Variants in TANGO2 observed in about 807,000 individuals in gnomAD.
TANGO2 encodes transport and golgi organization 2 homolog, also known as transport and Golgi organization protein 2 homolog.
A neutral mutation model predicts 39.1 loss-of-function variants in TANGO2; 26 were observed. That is an observed-to-expected ratio of 0.67 (90% confidence interval 0.49 to 0.92). The LOEUF is 0.92. TANGO2 is among the 40% of genes least tolerant of loss of function. The probability of loss-of-function intolerance (pLI) is 0.00; values close to 1 mark genes in which losing one functional copy is unlikely to be tolerated. For synonymous variants in TANGO2, 131 were observed against 144.5 expected (o/e 0.91, Z 0.67); for missense variants, 326 against 360.1 (o/e 0.91, Z 0.77).
intron 1 of TANGO2, among the ~76,000 whole-genome samples, chr22:20,030,820 G>A (rs916487288): frequency 7.2e-5 from 11 of 152,200 alleles, no homozygotes; most frequent in African/African-American, 2.7e-4. Context: ...CAGTCATTAA[G>A]ACTTCCTGAG....
chr22:20,037,209 G>T (rs112810943), intron 2 of TANGO2: 2 of 1,198,964 alleles, frequency 1.7e-6, no homozygotes, highest in South Asian at 3.2e-5. Context: ...GCTTGGGCTG[G>T]CGGGTCACAG....
chr22:20,052,689 G>A lies in TANGO2; in HGVS notation c.265+105G>A. 4 of 1,411,514 alleles carry A rather than the reference G, an allele frequency of 2.8e-6. No homozygotes were observed. The Admixed American group carries it at 6.2e-5, about 22-fold the overall frequency. The allele number at this position is 1,411,514 out of a possible 1,614,324, so 87.4% of individuals were successfully genotyped here. A position where few individuals can be genotyped will look rare whatever the true frequency, so the allele number is the denominator to read the frequency against. On this transcript the variant is annotated intron_variant, in intron 4 of 8. Transcript: ENST00000327374. Reference sequence around the variant, plus strand: ...CTACAGGACTGGCCAATGTATGGTGGAGTGGGGCGGGCCAAGGTAGGAAGT... The same window carrying A: ...CTACAGGACTGGCCAATGTATGGTGAAGTGGGGCGGGCCAAGGTAGGAAGT...
chr22:20,043,520 C>A, intron 3 of TANGO2, 77 bp downstream of exon 3: 8 of 967,776 alleles, frequency 8.3e-6, no homozygotes, highest in Non-Finnish European at 1.3e-5. Flanking sequence ...GTGACCCTAA[C>A]TGAGTGGTGC....
Position 20,040,461 on chromosome 22 carries a change from T to C in TANGO2, c.57-2894T>C, listed in dbSNP as rs2043686950. Among the ~76,000 whole-genome samples the C allele has an allele frequency of 5.3e-5, 8 of 152,250 alleles. No individual in the cohort carries two copies. In the South Asian group the frequency reaches 1.5e-3, roughly 28 times the overall value. On this transcript the variant is annotated intron_variant, in intron 2 of 8. Coordinates refer to ENST00000327374, the MANE Select transcript of TANGO2 (RefSeq NM_152906.7). Reference sequence around the variant, plus strand: ...AGGTGTCCCTGGCTCCCCCGACCCCTGTTCACCTGCAGGGCTGTGGGACGT... The same window carrying C: ...AGGTGTCCCTGGCTCCCCCGACCCCCGTTCACCTGCAGGGCTGTGGGACGT...
intron 2 of TANGO2, among the ~76,000 whole-genome samples, chr22:20,039,682 C>T (rs1469915766): frequency 6.6e-6 from 1 of 151,930 alleles, no homozygotes; most frequent in Non-Finnish European, 1.5e-5. Context: ...CACGTGATGC[C>T]ACTTGCTGGC....
rs189780107 is a variant in TANGO2, at chr22:20,039,198, T to C, written c.56+2344T>C. On this transcript the variant is annotated intron_variant, in intron 2 of 8. Coordinates refer to ENST00000327374, the MANE Select transcript of TANGO2 (RefSeq NM_152906.7). ...ATCCTCCTGCCTCAGCCTCCCAAAA[T>C]GCTGGGATTACATGCGTGAGCCACC... is the stretch of plus-strand genomic sequence containing the variant. Among the ~76,000 whole-genome samples, 835 of 149,428 alleles carry C rather than the reference T, an allele frequency of 5.6e-3. 6 individuals carry two copies. The highest frequency in any genetic ancestry group is 0.02 in the African/African-American group (799 of 40,750).
At chr22:20,022,991 A>G (rs1460740439) in intron 1 of TANGO2, among the ~76,000 whole-genome samples, 1 of 152,204 alleles carries the variant, frequency 6.6e-6, no homozygotes, top group Non-Finnish European at 1.5e-5. Context: ...CTGTCTTGAA[A>G]ACAAGCCTAT....
intron 3 of TANGO2, among the ~76,000 whole-genome samples, chr22:20,048,782 G>A (rs112541742): frequency 6.6e-6 from 1 of 152,116 alleles, no homozygotes; most frequent in South Asian, 2.1e-4. Flanking sequence ...GAGTAGCTGG[G>A]ACTACAAGCA....
At chr22:20,060,080 T>C (rs552067650) in intron 6 of TANGO2, among the ~76,000 whole-genome samples, 22 of 151,548 alleles carry the variant, frequency 1.5e-4, no homozygotes, top group Non-Finnish European at 2.2e-4. Context: ...CCGGGCGCGG[T>C]GGCTCACGCC....
intron 1 of TANGO2, 65 bp from the exon 2 acceptor site, chr22:20,036,695 C>A: frequency 7.2e-7 from 1 of 1,388,330 alleles, no homozygotes; most frequent in Admixed American, 1.7e-5. Context: ...TGGCCTGTTG[C>A]AGGTTCGGAG....
chr22:20,066,766 G>T lies in TANGO2; in HGVS notation c.*2104G>T, dbSNP rs2049227974. Among the ~76,000 whole-genome samples, 1 of 152,228 alleles carries T rather than the reference G, an allele frequency of 6.6e-6. No homozygotes were observed. The highest frequency in any genetic ancestry group is 1.5e-5 in the Non-Finnish European group (1 of 68,004). ...CTACCATGTCCTGTGCCGGTGACCA[G>T]TGCCAGTCCCCAACCTGGATGGTGC... On this transcript the variant is annotated 3_prime_UTR_variant, in exon 9 of 9. Coordinates refer to ENST00000327374, the MANE Select transcript of TANGO2 (RefSeq NM_152906.7).
chr22:20,043,139 C>T (rs1369658927), intron 2 of TANGO2, among the ~76,000 whole-genome samples: 1 of 152,210 alleles, frequency 6.6e-6, no homozygotes, highest in African/African-American at 2.4e-5. Flanking sequence ...CTAGCATCCT[C>T]CTGTTTCCCG....
rs780834778 is a variant in TANGO2 at position 20,036,767 on chromosome 22, G to T, written c.-32G>T. 4 of 1,614,098 alleles carry T rather than the reference G, an allele frequency of 2.5e-6. No homozygotes were observed. Among genetic ancestry groups the T allele is most frequent in the Non-Finnish European group, 3.4e-6 (4 of 1,179,974 alleles). On this transcript the variant is annotated 5_prime_UTR_variant, in exon 2 of 9. Transcript: ENST00000327374. The stretch of plus-strand genomic sequence containing the variant: ...GTTTTCCTTTTCCCGCAGACCTCGC[G>T]ACCTGTGTCAGCAGAGCCGCCCTGC...
At chr22:20,045,504 T>C (rs2044981922) in intron 3 of TANGO2, among the ~76,000 whole-genome samples, 3 of 148,488 alleles carry the variant, frequency 2.0e-5, no homozygotes, top group Admixed American at 6.7e-5. Flanking sequence ...CACTTCTTTT[T>C]TTTTTTTTTT....
rs1156388303 is a variant in TANGO2 at position 20,062,233 on chromosome 22, C to G, written c.605+550C>G. ...GTAGGCCTCAAGGCCCCTCAGGGGC[C>G]AGGCACTGGGGTCTTCGTTGCCCCA... is the stretch of plus-strand genomic sequence containing the variant. On this transcript the variant is annotated intron_variant, in intron 7 of 8. Coordinates refer to ENST00000327374, the MANE Select transcript of TANGO2 (RefSeq NM_152906.7). 2.0e-5 allele frequency among the ~76,000 whole-genome samples: 3 copies of G among 152,180 alleles called. No individual in the cohort carries two copies. The East Asian group carries it at 5.8e-4, about 29-fold the overall frequency.
At chr22:20,032,602 G>C (rs2042078138) in intron 1 of TANGO2, among the ~76,000 whole-genome samples, 4 of 152,266 alleles carry the variant, frequency 2.6e-5, no homozygotes, top group Admixed American at 1.3e-4. Context: ...GCTGAGAGTT[G>C]GTTGGGCTTG....
At chr22:20,052,967 A>T (rs954930781) in intron 4 of TANGO2, among the ~76,000 whole-genome samples, 1 of 151,966 alleles carries the variant, frequency 6.6e-6, no homozygotes, top group African/African-American at 2.4e-5. Context: ...CATTTCCCAC[A>T]CCCTGGCCCT....
At chr22:20,064,422 C>A in intron 8 of TANGO2, 120 bp from the exon 9 acceptor site, 2 of 1,291,286 alleles carry the variant, frequency 1.5e-6, no homozygotes, top group Non-Finnish European at 2.2e-6. Flanking sequence ...TGACTTGGCA[C>A]AGCCTCCAGG....
At chr22:20,029,235 A>C (rs1172103964) in intron 1 of TANGO2, among the ~76,000 whole-genome samples, 1 of 152,154 alleles carries the variant, frequency 6.6e-6, no homozygotes, top group Non-Finnish European at 1.5e-5. Flanking sequence ...AAGCCAGGGG[A>C]GGAGCCCTAG....
Sources: allele counts gnomAD v4.1 joint callset (sites outside exome capture counted in the v4.1 genomes callset), GRCh38; gene constraint gnomAD v4.1.1; transcripts MANE v1.5; gene names NCBI Gene and HGNC (gene_info 2026-07-23, HGNC 2026-07-21).